PIK3CB: variants seen among roughly 807,000 people sequenced by gnomAD.
PIK3CB encodes the protein phosphatidylinositol 4,5-bisphosphate 3-kinase catalytic subunit beta isoform.
Under a neutral mutation model 136.8 loss-of-function variants are expected in PIK3CB, and 39 were observed. The observed-to-expected ratio is 0.29, with a 90% CI of 0.22 to 0.37. The LOEUF (loss-of-function observed/expected upper bound fraction) is 0.37. PIK3CB is among the 10% of genes least tolerant of loss of function. PIK3CB has a pLI of 1.00. For synonymous variants in PIK3CB, 428 were observed against 436.6 expected (o/e 0.98, Z 0.25); for missense variants, 868 against 1,275.4 (o/e 0.68, Z 4.87).
chr3:138,700,472 A>G (rs570217946), intron 12 of PIK3CB, among the ~76,000 whole-genome samples: 7 of 152,346 alleles, frequency 4.6e-5, no homozygotes, highest in Admixed American at 4.6e-4. Context: ...ATGGGCTCCC[A>G]TGAGCCAGAT....
At chr3:138,700,641 C>T (rs766761372) in intron 12 of PIK3CB, among the ~76,000 whole-genome samples, 1 of 151,760 alleles carries the variant, frequency 6.6e-6, no homozygotes, top group Non-Finnish European at 1.5e-5. Flanking sequence ...TGAGCTATGA[C>T]TGTACCATTG....
At chr3:138,704,378 G>T in intron 12 of PIK3CB, 65 bp downstream of exon 12, 2 of 1,084,880 alleles carry the variant, frequency 1.8e-6, no homozygotes, top group African/African-American at 1.5e-5. Context: ...TTACTATGAG[G>T]CAAAGATACC....
rs1257123922 is a variant in PIK3CB at position 138,662,280 on chromosome 3, G to GT, written c.2796+1625dup. On this transcript the variant is annotated intron_variant, in intron 21 of 23. Coordinates refer to ENST00000674063, the MANE Select transcript of PIK3CB (RefSeq NM_006219.3). ...TCCCCGCTCCCCCCACCCCGCAACA[G>GT]TCCCCAGAGTGTGATGTTCCCCTTC... 2.7e-5 allele frequency among the ~76,000 whole-genome samples: 3 copies of GT among 110,400 alleles called. No homozygotes were observed. In the East Asian group the frequency reaches 1.1e-3, roughly 41 times the overall value. 72.4% of individuals were successfully genotyped at this position (110,400 alleles called of 152,430 possible).
chr3:138,713,881 A>C (rs2044556197), intron 9 of PIK3CB, among the ~76,000 whole-genome samples: 2 of 152,206 alleles, frequency 1.3e-5, no homozygotes, highest in Admixed American at 1.3e-4. Context: ...AAAATCCGAG[A>C]AGCTCTAAAA....
chr3:138,772,119 T>C (rs540805161), intron 2 of PIK3CB, among the ~76,000 whole-genome samples: 1 of 152,226 alleles, frequency 6.6e-6, no homozygotes, highest in Non-Finnish European at 1.5e-5. Context: ...TTTAAAATCA[T>C]GTTTATCAAG....
intron 8 of PIK3CB, among the ~76,000 whole-genome samples, chr3:138,730,834 A>G (rs2108632291): frequency 6.6e-6 from 1 of 152,302 alleles, no homozygotes; most frequent in South Asian, 2.1e-4. Context: ...TGGGAGGCTG[A>G]GGTAGGAGGA....
intron 8 of PIK3CB, among the ~76,000 whole-genome samples, chr3:138,724,007 C>T (rs546173659): frequency 1.3e-5 from 2 of 152,166 alleles, no homozygotes; most frequent in African/African-American, 4.8e-5. Context: ...GGTTTTCCTA[C>T]ACCAACCAAT....
chr3:138,784,790 T>A (rs1296529251), intron 2 of PIK3CB, among the ~76,000 whole-genome samples: 1 of 152,158 alleles, frequency 6.6e-6, no homozygotes, highest in Non-Finnish European at 1.5e-5. Flanking sequence ...AACCTCCACC[T>A]CCCAGCCGCC....
In PIK3CB at chr3:138,709,597, T is replaced by G. The variant is rs988680323; in HGVS notation, c.1400-2308A>C. 2.0e-5 allele frequency among the ~76,000 whole-genome samples: 3 copies of G among 152,202 alleles called. No individual in the cohort carries two copies. The East Asian group carries it at 5.8e-4, about 29-fold the overall frequency. On this transcript the variant is annotated intron_variant, in intron 10 of 23. Coordinates refer to ENST00000674063, the MANE Select transcript of PIK3CB (RefSeq NM_006219.3). ...AGATTATTTGTAGTTTCTTTGCTTCTTGTTTGCCCCTACTGGGTTAAATGT... is the reference window on the plus strand; with the variant it reads ...AGATTATTTGTAGTTTCTTTGCTTCGTGTTTGCCCCTACTGGGTTAAATGT...
chr3:138,756,667 G>A (rs777746763), intron 3 of PIK3CB, among the ~76,000 whole-genome samples: 1 of 152,122 alleles, frequency 6.6e-6, no homozygotes, highest in Non-Finnish European at 1.5e-5. Context: ...AAAGCTAAGA[G>A]CTGAAAATAA....
chr3:138,751,474 T>C (rs1267682973), intron 4 of PIK3CB, among the ~76,000 whole-genome samples: 1 of 150,908 alleles, frequency 6.6e-6, no homozygotes, highest in Non-Finnish European at 1.5e-5. Context: ...AAAAAAGAAA[T>C]TTTATCAAAA....
At chr3:138,694,933 G>C in intron 13 of PIK3CB, 26 bp from the exon 14 acceptor site, 1 of 1,585,008 alleles carries the variant, frequency 6.3e-7, no homozygotes, top group Non-Finnish European at 8.6e-7. Flanking sequence ...AACTGGTTCA[G>C]AAATAATGGG....
At chr3:138,702,697 G>T (rs1454747464) in intron 12 of PIK3CB, among the ~76,000 whole-genome samples, 1 of 152,090 alleles carries the variant, frequency 6.6e-6, no homozygotes, top group Non-Finnish European at 1.5e-5. Context: ...AATTTGTTTT[G>T]TATCATTAAA....
chr3:138,664,481 G>T (rs1319433378), intron 20 of PIK3CB, among the ~76,000 whole-genome samples: 2 of 152,138 alleles, frequency 1.3e-5, no homozygotes, highest in African/African-American at 2.4e-5. Flanking sequence ...ATTCCCTGGA[G>T]ACAAGGCCTT....
At chr3:138,737,560 G>A (rs998588751) in intron 6 of PIK3CB, 147 bp downstream of exon 6, 2 of 267,018 alleles carry the variant, frequency 7.5e-6, no homozygotes, top group Non-Finnish European at 1.4e-5. Context: ...GTACTATTAT[G>A]AATATTTACT....
At chr3:138,673,323 A>AT (rs570881519) in intron 19 of PIK3CB, among the ~76,000 whole-genome samples, 119 of 151,384 alleles carry the variant, frequency 7.9e-4, no homozygotes, top group African/African-American at 2.8e-3. Context: ...GAAAATGGTG[A>AT]TAAAAAAAAG....
At chr3:138,737,395 A>G (rs13099169) in intron 6 of PIK3CB, among the ~76,000 whole-genome samples, 10 of 40,030 alleles carry the variant, frequency 2.5e-4, no homozygotes, top group Non-Finnish European at 2.3e-4. Flanking sequence ...ACTCTGTCTC[A>G]AAAAAAAAAA....
At chr3:138,778,500 C>G (rs2108781108) in intron 2 of PIK3CB, 1 of 237,968 alleles carries the variant, frequency 4.2e-6, no homozygotes, top group East Asian at 1.4e-4. Context: ...AGGGAGCTCA[C>G]TGGCATAGCC....
intron 4 of PIK3CB, among the ~76,000 whole-genome samples, chr3:138,752,688 G>A (rs2045494723): frequency 6.6e-6 from 1 of 151,004 alleles, no homozygotes; most frequent in Non-Finnish European, 1.5e-5. Flanking sequence ...CAGAGTGGGT[G>A]ATAGAGTGAG....
Sources: gnomAD v4.1 joint callset for allele counts (sites outside exome capture counted in the v4.1 genomes callset) on GRCh38, gnomAD v4.1.1 for gene constraint, MANE v1.5 for transcripts, NCBI Gene and HGNC (gene_info 2026-07-23, HGNC 2026-07-21) for gene names.